SLC5A12: variants seen among roughly 807,000 people sequenced by gnomAD.
SLC5A12 encodes solute carrier family 5 member 12, also known as sodium-coupled monocarboxylate transporter 2.
In SLC5A12, 46 loss-of-function variants were observed where a neutral mutation model predicts 72.7. The observed-to-expected ratio is 0.63, with a 90% CI of 0.50 to 0.81. SLC5A12 has a LOEUF of 0.81. Ranked by LOEUF, SLC5A12 falls within the 30% of genes least tolerant of loss-of-function variation. The probability of loss-of-function intolerance (pLI) is 0.00; values close to 1 mark genes in which losing one functional copy is unlikely to be tolerated. For synonymous variants in SLC5A12, 275 were observed against 264.4 expected (o/e 1.04, Z -0.39); for missense variants, 683 against 740.7 (o/e 0.92, Z 0.90).
At chr11:26,716,692 C>T (rs1391452790) in intron 1 of SLC5A12, among the ~76,000 whole-genome samples, 1 of 152,078 alleles carries the variant, frequency 6.6e-6, no homozygotes, top group Non-Finnish European at 1.5e-5. Context: ...ACTCCTCTCT[C>T]TCCCTCCCCA....
At chr11:26,684,148 A>C (rs895155900) in intron 10 of SLC5A12, among the ~76,000 whole-genome samples, 9 of 152,112 alleles carry the variant, frequency 5.9e-5, no homozygotes, top group African/African-American at 1.9e-4. Context: ...AAAAAATATA[A>C]GGTCATAGAA....
chr11:26,672,361 T>C (rs1161968892), intron 14 of SLC5A12, among the ~76,000 whole-genome samples: 1 of 152,060 alleles, frequency 6.6e-6, no homozygotes, highest in Non-Finnish European at 1.5e-5. Context: ...AAAGTGAATA[T>C]AAGTTTAAAC....
chr11:26,711,716 C>G (rs904652008), intron 2 of SLC5A12, among the ~76,000 whole-genome samples: 16 of 152,092 alleles, frequency 1.1e-4, no homozygotes, highest in Non-Finnish European at 1.6e-4. Flanking sequence ...CTACCGACTT[C>G]ATGAGGAGCT....
At chr11:26,704,125 A>T (rs1298977645) in intron 4 of SLC5A12, among the ~76,000 whole-genome samples, 178 bp from the exon 5 acceptor site, 2 of 152,194 alleles carry the variant, frequency 1.3e-5, no homozygotes, top group Non-Finnish European at 2.9e-5. Context: ...AGTGAAAGAG[A>T]CATACCCCTT....
intron 8 of SLC5A12, among the ~76,000 whole-genome samples, chr11:26,695,390 A>G (rs1854784768): frequency 6.6e-6 from 1 of 152,054 alleles, no homozygotes; most frequent in Non-Finnish European, 1.5e-5. Context: ...TAAAGCAGGA[A>G]CTTCACTTAA....
intron 6 of SLC5A12, among the ~76,000 whole-genome samples, chr11:26,702,474 A>G (rs12289000): frequency 0.071 from 10,826 of 152,252 alleles, 1,267 homozygotes; most frequent in African/African-American, 0.24. Flanking sequence ...GAAAAGTTTC[A>G]AGTATCCTGG....
chr11:26,670,900 A>G lies in SLC5A12; in HGVS notation c.*202T>C. On this transcript the variant is annotated 3_prime_UTR_variant, in exon 15 of 15. Coordinates refer to ENST00000396005, the MANE Select transcript of SLC5A12 (RefSeq NM_178498.4). ...TGGAGCAGGTTGGTTTTTCTCTGTG[A>G]AAGTTGGAGTCTTTCAAAGAATATC... 2.4e-6 allele frequency: 1 copy of G among 423,082 alleles called. No individual in the cohort carries two copies. Among genetic ancestry groups the G allele is most frequent in the Non-Finnish European group, 4.0e-6 (1 of 249,202 alleles). 26.2% of individuals were successfully genotyped at this position (423,082 alleles called of 1,614,324 possible).
chr11:26,705,917 C>A, intron 4 of SLC5A12, among the ~76,000 whole-genome samples: 1 of 141,238 alleles, frequency 7.1e-6, no homozygotes, highest in Non-Finnish European at 1.5e-5. Context: ...CACCTCTTTT[C>A]TCTGTCATAC....
At chr11:26,678,669 G>C in intron 13 of SLC5A12, 43 bp downstream of exon 13, 1 of 1,402,584 alleles carries the variant, frequency 7.1e-7, no homozygotes, top group Non-Finnish European at 1.0e-6. Flanking sequence ...GCATGCATGA[G>C]CCCATATCTT....
chr11:26,699,412 T>C (rs11029680), intron 6 of SLC5A12, among the ~76,000 whole-genome samples: 49,644 of 152,068 alleles, frequency 0.33, 8,262 homozygotes, highest in East Asian at 0.44. Flanking sequence ...ACCGTACAGG[T>C]GTACTTGATT....
In SLC5A12 at chr11:26,683,799, GC is replaced by G; in HGVS notation, c.1265del (p.Gly422AlafsTer12). 6.3e-7 allele frequency: 1 copy of G among 1,598,630 alleles called. No homozygotes were observed. The highest frequency in any genetic ancestry group is 1.1e-5 in the South Asian group (1 of 87,976). On this transcript the variant is annotated frameshift_variant, in exon 11 of 15. Coordinates refer to ENST00000396005, the MANE Select transcript of SLC5A12 (RefSeq NM_178498.4). LOFTEE classifies it high-confidence loss of function. ...IHGMCGGPMLGLFSLGIVFPF... is the reference protein window; with the variant it reads ...IHGMCGGPMLXLFSLGIVFPF... ...GGAACACGATTCCCAGGGAGAATAA[GC>G]CCAGCATTGGTCCTCCACACATGCC...
intron 8 of SLC5A12, among the ~76,000 whole-genome samples, chr11:26,693,841 TG>T (rs1854743480): frequency 6.6e-6 from 1 of 152,202 alleles, no homozygotes; most frequent in African/African-American, 2.4e-5. Flanking sequence ...ACTAATTGCT[TG>T]GGGGGTACTA....
At chr11:26,679,797 T>C (rs1854349017) in intron 12 of SLC5A12, among the ~76,000 whole-genome samples, 1 of 152,156 alleles carries the variant, frequency 6.6e-6, no homozygotes, top group Non-Finnish European at 1.5e-5. Flanking sequence ...AAAAAGGTTG[T>C]GTTTTATTCC....
intron 11 of SLC5A12, among the ~76,000 whole-genome samples, chr11:26,682,953 G>C (rs1365079181): frequency 6.6e-6 from 1 of 151,902 alleles, no homozygotes; most frequent in Non-Finnish European, 1.5e-5. Context: ...GGTCAATAAG[G>C]GTCAGGTAGC....
At chr11:26,679,183 T>C (rs1315873033) in intron 12 of SLC5A12, among the ~76,000 whole-genome samples, 1 of 152,110 alleles carries the variant, frequency 6.6e-6, no homozygotes, top group Non-Finnish European at 1.5e-5. Flanking sequence ...AAAGTCTACA[T>C]ACAGGAGCTA....
chr11:26,694,517 T>C (rs1854762149), intron 8 of SLC5A12, among the ~76,000 whole-genome samples: 1 of 152,154 alleles, frequency 6.6e-6, no homozygotes, highest in Admixed American at 6.5e-5. Flanking sequence ...ATTATCTCTG[T>C]CCTTAGTGTC....
rs956600538 is a variant in SLC5A12 at position 26,712,700 on chromosome 11, G to T, written c.346C>A (p.Gln116Lys). 3.2e-6 allele frequency: 5 copies of T among 1,586,688 alleles called. No homozygotes were observed. The East Asian group carries it at 9.0e-5, about 29-fold the overall frequency. ...SGITSTYEYL[Q>K]LRFNKPVRYA... ...CGAACTGGTTTGTTGAATCGTAGTT[G>T]TAAGTACTAAAGGAAACAGAAAGAC... The change falls in exon 2 of 15, where the codon CAA (glutamine) becomes AAA (lysine). Residue 116 changes from glutamine (Q) to lysine (K), a missense_variant. Physicochemically the swap from Gln to Lys is moderately conservative, Grantham distance 53. Coordinates refer to ENST00000396005, the MANE Select transcript of SLC5A12 (RefSeq NM_178498.4).
chr11:26,709,104 C>A, intron 4 of SLC5A12: 1 of 411,214 alleles, frequency 2.4e-6, no homozygotes, highest in East Asian at 3.4e-5. Flanking sequence ...TGAATGAGTG[C>A]AGAGATTAAA....
At chr11:26,707,506 C>A (rs1019611266) in intron 4 of SLC5A12, among the ~76,000 whole-genome samples, 1 of 151,698 alleles carries the variant, frequency 6.6e-6, no homozygotes, top group African/African-American at 2.4e-5. Context: ...CTTTTTTCAT[C>A]TTCTTGTCTC....
Sources: allele counts gnomAD v4.1 joint callset (sites outside exome capture counted in the v4.1 genomes callset), GRCh38; gene constraint gnomAD v4.1.1; transcripts MANE v1.5; gene names NCBI Gene and HGNC (gene_info 2026-07-23, HGNC 2026-07-21).